The following LRRC74A variants were observed in gnomAD, a reference collection of about 807,000 sequenced individuals.
LRRC74A encodes the protein leucine rich repeat containing 74A, also known as leucine-rich repeat-containing protein 74A.
Under a neutral mutation model 57.9 loss-of-function variants are expected in LRRC74A, and 44 were observed. The observed-to-expected ratio is 0.76, with a 90% CI of 0.60 to 0.98. The LOEUF (loss-of-function observed/expected upper bound fraction) is 0.98, where lower values mean the gene tolerates loss of function less well. Ranked by LOEUF, LRRC74A falls within the 50% of genes least tolerant of loss-of-function variation. The pLI, the probability that LRRC74A is intolerant of heterozygous loss-of-function variation, is 0.00. For synonymous variants in LRRC74A, 211 were observed against 219.4 expected (o/e 0.96, Z 0.34); for missense variants, 572 against 574.0 (o/e 1.00, Z 0.04).
chr14:76,831,326 A>G lies in LRRC74A; in HGVS notation c.290A>G (p.His97Arg). 1 of 1,613,906 alleles carries G rather than the reference A, an allele frequency of 6.2e-7. No individual in the cohort carries two copies. The highest frequency in any genetic ancestry group is 8.5e-7 in the Non-Finnish European group (1 of 1,179,880). The change falls in exon 3 of 14, where the codon CAC becomes CGC. Residue 97 changes from histidine to arginine, a missense_variant. Coordinates refer to ENST00000689127, the MANE Select transcript of LRRC74A (RefSeq NM_001385106.1). ...GAGGAGTCCTACGTGAACCTCAACC[A>G]CCACGGCCTGGGCCCCAGGGGTACC... ...NMEESYVNLN[H>R]HGLGPRGTKA...
chr14:76,844,893 AG>A lies in LRRC74A; in HGVS notation c.669del (p.Met224CysfsTer13). 1 of 1,565,450 alleles carries A rather than the reference AG, an allele frequency of 6.4e-7. No homozygotes were observed. The highest frequency in any genetic ancestry group is 1.4e-5 in the African/African-American group (1 of 73,992). On this transcript the variant is annotated frameshift_variant, in exon 7 of 14. Transcript: ENST00000689127. LOFTEE classifies it high-confidence loss of function. ...GATGTAGGAGGGGAGCACCTGGGCCAGATGCTGGGTGAGTCTCCCTGGAGGA... is the reference window on the plus strand; with the variant it reads ...GATGTAGGAGGGGAGCACCTGGGCCAATGCTGGGTGAGTCTCCCTGGAGGA... Reference protein sequence around the residue: ...FSDVGGEHLGQMLAINVGLTS... With the variant: ...FSDVGGEHLGXMLAINVGLTS...
Position 76,826,581 on chromosome 14 carries a change from C to G in LRRC74A, c.-117C>G. The G allele has an allele frequency of 1.2e-6, 2 of 1,612,980 alleles. No homozygotes were observed. Among genetic ancestry groups the G allele is most frequent in the Non-Finnish European group, 1.7e-6 (2 of 1,179,502 alleles). On this transcript the variant is annotated 5_prime_UTR_variant, in exon 1 of 14. Transcript: ENST00000689127. ...ACTGCAGGCTCCCCTGGGATGCCCCCAGGTGAGGGAAGTTCACAGAGTTTG... is the reference window on the plus strand; with the variant it reads ...ACTGCAGGCTCCCCTGGGATGCCCCGAGGTGAGGGAAGTTCACAGAGTTTG...
At chr14:76,845,150 CCT>C (rs1897039190) in intron 7 of LRRC74A, among the ~76,000 whole-genome samples, 1 of 152,068 alleles carries the variant, frequency 6.6e-6, no homozygotes, top group South Asian at 2.1e-4. Context: ...ACAGGGACAC[CCT>C]GTCTCTATAA....
In LRRC74A at chr14:76,860,767, ATTC is replaced by A; in HGVS notation, c.1129_1131del (p.Phe377del). The stretch of plus-strand genomic sequence containing the variant: ...CCGTTCACCCGCAGCTGGACGTGGT[ATTC>A]AAGGCAGTACAAGGCCTCTCTCCCA... On this transcript the variant is annotated inframe_deletion, in exon 11 of 14. Transcript: ENST00000689127. 6.2e-7 allele frequency: 1 copy of A among 1,611,576 alleles called. No homozygotes were observed. Among genetic ancestry groups the A allele is most frequent in the Non-Finnish European group, 8.5e-7 (1 of 1,178,008 alleles).
At chr14:76,850,644 A>G (rs1413029319) in intron 7 of LRRC74A, among the ~76,000 whole-genome samples, 1 of 152,074 alleles carries the variant, frequency 6.6e-6, no homozygotes, top group Non-Finnish European at 1.5e-5. Flanking sequence ...AGGCGGGTGG[A>G]TCACCTGAGG....
chr14:76,830,816 C>A (rs1264727162), intron 2 of LRRC74A, among the ~76,000 whole-genome samples: 5 of 152,238 alleles, frequency 3.3e-5, no homozygotes, highest in Admixed American at 3.3e-4. Context: ...CATCAAAAGT[C>A]ATCCGCGTTT....
chr14:76,832,310 G>T (rs933576146), intron 3 of LRRC74A, among the ~76,000 whole-genome samples: 1 of 152,148 alleles, frequency 6.6e-6, no homozygotes, highest in Non-Finnish European at 1.5e-5. Flanking sequence ...AGGAGTTCTG[G>T]TCTAGAGTTG....
At chr14:76,833,635 G>T (rs1896123140) in intron 3 of LRRC74A, among the ~76,000 whole-genome samples, 1 of 151,806 alleles carries the variant, frequency 6.6e-6, no homozygotes, top group Non-Finnish European at 1.5e-5. Context: ...TAGAGATGGG[G>T]TTTCACTATG....
chr14:76,866,079 TG>T lies in LRRC74A; in HGVS notation c.1308+5del. 6.6e-7 allele frequency: 1 copy of T among 1,524,898 alleles called. No individual in the cohort carries two copies. Among genetic ancestry groups the T allele is most frequent in the Non-Finnish European group, 9.0e-7 (1 of 1,108,822 alleles). 94.5% of individuals were successfully genotyped at this position (1,524,898 alleles called of 1,614,324 possible). On this transcript the variant is annotated splice_donor_5th_base_variant and intron_variant, in intron 12 of 13. Transcript: ENST00000689127. ...GTTCCAGAAAGTGATGATAGAGGTG[TG>T]CTGGGTCCTAGTGGCAACAGGCTGT...
chr14:76,868,440 G>A (rs1348503145), intron 13 of LRRC74A, among the ~76,000 whole-genome samples: 1 of 152,222 alleles, frequency 6.6e-6, no homozygotes, highest in Non-Finnish European at 1.5e-5. Flanking sequence ...CTGCACTTCA[G>A]CCTGGACGAC....
At position 76,831,351 on chromosome 14, in the gene LRRC74A, C is replaced by T. The variant is rs775178282; in HGVS notation, c.315C>T (p.Thr105=). 7 of 1,613,592 alleles carry T rather than the reference C, an allele frequency of 4.3e-6. No homozygotes were observed. In the East Asian group the frequency reaches 1.3e-4, roughly 31 times the overall value. ...LNHHGLGPRG[T]KAIAIALVSN... ...ACCACGGCCTGGGCCCCAGGGGTAC[C>T]AAGGCTATTGCTATAGCCCTGGTGG... Residue 105 remains threonine (T), a synonymous_variant, in exon 3 of 14, where the codon ACC becomes ACT. Coordinates refer to ENST00000689127, the MANE Select transcript of LRRC74A (RefSeq NM_001385106.1).
chr14:76,867,376 C>T lies in LRRC74A; in HGVS notation c.1329C>T (p.Asn443=). 2 of 1,590,278 alleles carry T rather than the reference C, an allele frequency of 1.3e-6. No individual in the cohort carries two copies. Among genetic ancestry groups the T allele is most frequent in the Middle Eastern group, 1.7e-4 (1 of 6,024 alleles). ...CTCAGCAAAACAAGGTCCCCCTGAACCAGTACCAGGTCAGGGAGGTGATAA... is the reference window on the plus strand; with the variant it reads ...CTCAGCAAAACAAGGTCCCCCTGAATCAGTACCAGGTCAGGGAGGTGATAA... ...VMIEQNKVPL[N]QYQVREVIKK... Residue 443 remains asparagine (N), a synonymous_variant, in exon 13 of 14, where the codon AAC becomes AAT. Coordinates refer to ENST00000689127, the MANE Select transcript of LRRC74A (RefSeq NM_001385106.1).
chr14:76,836,140 G>T, intron 3 of LRRC74A, 67 bp from the exon 4 acceptor site: 1 of 1,169,888 alleles, frequency 8.5e-7, no homozygotes, highest in East Asian at 2.4e-5. Context: ...GGCCCAGGGC[G>T]AGCAGGGAAC....
At chr14:76,844,225 A>G (rs1896967180) in intron 5 of LRRC74A, among the ~76,000 whole-genome samples, 198 bp from the exon 6 acceptor site, 1 of 152,038 alleles carries the variant, frequency 6.6e-6, no homozygotes, top group Admixed American at 6.5e-5. Flanking sequence ...CTGGTCTCAA[A>G]CTCCTGGGCT....
Position 76,837,981 on chromosome 14 carries a change from TG to T in LRRC74A, c.544+12del. 6.6e-7 allele frequency: 1 copy of T among 1,521,114 alleles called. No individual in the cohort carries two copies. 94.2% of individuals were successfully genotyped at this position (1,521,114 alleles called of 1,614,324 possible). On this transcript the variant is annotated intron_variant, in intron 5 of 13. Transcript: ENST00000689127. ...AGCCTTGAGCTTTCAGGTGAGCACA[TG>T]GAAAGGGAGGGAGAAGACACTGGGA...
rs899788824 is a variant in LRRC74A, at chr14:76,844,744, T to A, written c.595-76T>A. On this transcript the variant is annotated intron_variant, in intron 6 of 13. Coordinates refer to ENST00000689127, the MANE Select transcript of LRRC74A (RefSeq NM_001385106.1). Reference sequence around the variant, plus strand: ...TTGGTACATCAGAGCCCCACCATCATACTGCCCTGAGATAAGTAAGATATT... The same window carrying A: ...TTGGTACATCAGAGCCCCACCATCAAACTGCCCTGAGATAAGTAAGATATT... 1.2e-5 allele frequency: 10 copies of A among 847,734 alleles called. 1 individual carries two copies. Among genetic ancestry groups the A allele is most frequent in the Non-Finnish European group, 1.9e-5 (10 of 513,460 alleles). The allele number at this position is 847,734 out of a possible 1,614,324, so 52.5% of individuals were successfully genotyped here. A position where few individuals can be genotyped will look rare whatever the true frequency, so the allele number is the denominator to read the frequency against.
At chr14:76,860,908 A>C in intron 11 of LRRC74A, 69 bp downstream of exon 11, 3 of 1,411,082 alleles carry the variant, frequency 2.1e-6, no homozygotes, top group Non-Finnish European at 2.9e-6. Context: ...GCTCCAAATC[A>C]GTTTCCAGAC....
chr14:76,833,583 A>T (rs747696973), intron 3 of LRRC74A, among the ~76,000 whole-genome samples: 3 of 151,606 alleles, frequency 2.0e-5, no homozygotes, highest in Non-Finnish European at 2.9e-5. Flanking sequence ...CTGGGATTAC[A>T]GGTGCGCACC....
intron 7 of LRRC74A, 77 bp downstream of exon 7, chr14:76,844,978 T>C: frequency 1.3e-6 from 1 of 745,144 alleles, no homozygotes; most frequent in South Asian, 1.6e-5. Flanking sequence ...ATCTCCCTTT[T>C]AAACATGATT....
Sources: allele counts gnomAD v4.1 joint callset (sites outside exome capture counted in the v4.1 genomes callset), GRCh38; gene constraint gnomAD v4.1.1; transcripts MANE v1.5; gene names NCBI Gene and HGNC (gene_info 2026-07-23, HGNC 2026-07-21).